EPC1: variants seen among roughly 807,000 people sequenced by gnomAD.
The protein encoded by EPC1 is enhancer of polycomb 1.
In EPC1, 12 loss-of-function variants were observed where a neutral mutation model predicts 98.4. That is an observed-to-expected ratio of 0.12 (90% CI 0.08 to 0.20). EPC1 has a LOEUF of 0.20. Ranked by LOEUF, EPC1 falls within the 10% of genes least tolerant of loss-of-function variation. EPC1 has a pLI of 1.00. For missense variants in EPC1, 729 were observed against 990.5 expected, an observed-to-expected ratio of 0.74 and a Z score of 3.54; for synonymous variants, 357 against 363.9, an observed-to-expected ratio of 0.98 and a Z score of 0.21.
intron 9 of EPC1, 166 bp from the exon 10 acceptor site, chr10:32,285,216 T>A (rs1836617088): frequency 4.0e-6 from 2 of 500,230 alleles, no homozygotes; most frequent in Admixed American, 3.7e-5. Flanking sequence ...GGCTACAACC[T>A]CAATTTCTAA....
intron 1 of EPC1, among the ~76,000 whole-genome samples, chr10:32,364,585 A>G (rs965980456): frequency 2.0e-5 from 3 of 152,218 alleles, no homozygotes; most frequent in African/African-American, 7.2e-5. Flanking sequence ...GAAAAGAAGG[A>G]GTGAGACTCG....
intron 6 of EPC1, among the ~76,000 whole-genome samples, chr10:32,290,476 ACT>A (rs1836932148): frequency 3.2e-5 from 2 of 63,198 alleles, no homozygotes; most frequent in Admixed American, 2.5e-4. Context: ...ACAGAGCAAG[ACT>A]CTGTCAAAAA....
chr10:32,315,264 T>C (rs1299714539), intron 1 of EPC1, among the ~76,000 whole-genome samples: 1 of 152,162 alleles, frequency 6.6e-6, no homozygotes, highest in Non-Finnish European at 1.5e-5. Context: ...ATGAAAAGGA[T>C]CAACCTAAAT....
chr10:32,349,348 A>T (rs1175028639), upstream of EPC1, among the ~76,000 whole-genome samples: 1 of 152,206 alleles, frequency 6.6e-6, no homozygotes, highest in Non-Finnish European at 1.5e-5. Flanking sequence ...GTACAAAAAA[A>T]TTTCTTATTC....
chr10:32,311,312 CAAAAAA>C (rs56251205), intron 1 of EPC1, among the ~76,000 whole-genome samples: 1 of 144,282 alleles, frequency 6.9e-6, no homozygotes, highest in African/African-American at 2.6e-5. Flanking sequence ...GACTCCGTCT[CAAAAAA>C]AAAAAAAACA....
At chr10:32,349,112 C>T (rs566642320), upstream of EPC1, among the ~76,000 whole-genome samples, 2 of 152,212 alleles carry the variant, frequency 1.3e-5, no homozygotes, top group Admixed American at 6.5e-5. Context: ...TTAACAGTTC[C>T]GAAAATACTG....
At chr10:32,274,334 G>A (rs1238501259) in intron 10 of EPC1, among the ~76,000 whole-genome samples, 1 of 152,086 alleles carries the variant, frequency 6.6e-6, no homozygotes, top group Non-Finnish European at 1.5e-5. Context: ...CTAATTTGTT[G>A]TTTAACTTCA....
chr10:32,321,149 A>C (rs1836887066), intron 1 of EPC1, among the ~76,000 whole-genome samples: 2 of 152,134 alleles, frequency 1.3e-5, no homozygotes, highest in Admixed American at 6.5e-5. Context: ...GTGTGGGGCC[A>C]AATCTAGCCC....
chr10:32,274,418 T>G (rs551072842), intron 10 of EPC1, among the ~76,000 whole-genome samples: 1 of 152,304 alleles, frequency 6.6e-6, no homozygotes, highest in South Asian at 2.1e-4. Context: ...GAATCTTTCT[T>G]TATCCTCCAG....
intron 1 of EPC1, among the ~76,000 whole-genome samples, chr10:32,339,191 T>A (rs1196973000): frequency 1.3e-5 from 2 of 152,138 alleles, no homozygotes; most frequent in African/African-American, 4.8e-5. Context: ...ATGACTATTC[T>A]CTAAACACAT....
chr10:32,378,087 T>C (rs778185174), intron 1 of EPC1, among the ~76,000 whole-genome samples: 2 of 152,024 alleles, frequency 1.3e-5, no homozygotes, highest in Non-Finnish European at 2.9e-5. Context: ...AGAACCACAA[T>C]AGGTCCATTT....
chr10:32,353,970 GA>G (rs1321540009), intron 1 of EPC1, among the ~76,000 whole-genome samples: 2 of 151,998 alleles, frequency 1.3e-5, no homozygotes, highest in African/African-American at 4.8e-5. Context: ...TTTCATCTAG[GA>G]AATGTTGGAA....
In EPC1 at chr10:32,271,662, A is replaced by G. The variant is rs747624316; in HGVS notation, c.2261T>C (p.Ile754Thr). The G allele has an allele frequency of 6.2e-7, 1 of 1,614,224 alleles. No individual in the cohort carries two copies. Among genetic ancestry groups the G allele is most frequent in the Non-Finnish European group, 8.5e-7 (1 of 1,180,038 alleles). ...TGGAACAGCACTTAAAGTCCTAGGT[A>G]TATGTCGTGCATTTATTGGGGCAAT... is the stretch of plus-strand genomic sequence containing the variant. ...NSIAPINARH[I>T]PRTLSAVPSS... Residue 754 changes from isoleucine to threonine, a missense_variant, in exon 13 of 14, where the codon ATA becomes ACA. Around this residue, in one of 6 missense-constraint regions of EPC1, gnomAD observed 156 missense variants for 188.9 expected, o/e 0.83. Transcript: ENST00000319778.
chr10:32,299,501 A>C (rs1048114067), intron 2 of EPC1, among the ~76,000 whole-genome samples: 7 of 151,606 alleles, frequency 4.6e-5, no homozygotes, highest in Admixed American at 4.6e-4. Flanking sequence ...TGTCTTTAAG[A>C]CATTGATGTT....
At chr10:32,278,385 G>GGT (rs1836218675) in intron 10 of EPC1, among the ~76,000 whole-genome samples, 9 of 47,544 alleles carry the variant, frequency 1.9e-4, no homozygotes, top group African/African-American at 8.4e-4. Flanking sequence ...TTTTTTTTTT[G>GGT]TTTTTTTTTT....
chr10:32,375,183 T>C lies in EPC1; in HGVS notation c.3+3308A>G, dbSNP rs556357342. On this transcript the variant is annotated intron_variant, in intron 1 of 13. Coordinates refer to the EPC1 transcript ENST00000375110. ...AAATATGCATGAGAAGTGGGTAGAA[T>C]TGGAAACAGACAATTTCAGGTCTAT... Among the ~76,000 whole-genome samples, 11 of 152,216 alleles carry C rather than the reference T, an allele frequency of 7.2e-5. No homozygotes were observed. The East Asian group carries it at 1.5e-3, about 21-fold the overall frequency.
intron 1 of EPC1, among the ~76,000 whole-genome samples, chr10:32,371,928 C>T (rs1839762813): frequency 6.6e-6 from 1 of 151,960 alleles, no homozygotes; most frequent in Non-Finnish European, 1.5e-5. Flanking sequence ...AAGATTCCTC[C>T]TTCAAGTCTT....
rs115026905 is a variant in EPC1, at chr10:32,359,654, A to G, written c.3+18837T>C. Among the ~76,000 whole-genome samples, 624 of 152,234 alleles carry G rather than the reference A, an allele frequency of 4.1e-3. 2 individuals carry two copies. The highest frequency in any genetic ancestry group is 0.014 in the African/African-American group (580 of 41,502). ...AGTTTTACCCTATTTTTTTGAATAG[A>G]TCATTTTACTCTTCTGAGATTTATT... On this transcript the variant is annotated intron_variant, in intron 1 of 13. Coordinates refer to the EPC1 transcript ENST00000375110.
At chr10:32,269,980 A>C (rs1835759228) in intron 13 of EPC1, among the ~76,000 whole-genome samples, 1 of 152,350 alleles carries the variant, frequency 6.6e-6, no homozygotes, top group East Asian at 1.9e-4. Context: ...ATTCCAATTT[A>C]AACTACTAAC....
Sources: gnomAD v4.1 joint callset for allele counts (sites outside exome capture counted in the v4.1 genomes callset) on GRCh38, gnomAD v4.1.1 for gene constraint, gnomAD v4.1.1 regional missense constraint, MANE v1.5 for transcripts, NCBI Gene and HGNC (gene_info 2026-07-23, HGNC 2026-07-21) for gene names.